The following SMAD2 variants were observed in gnomAD, a reference collection of about 807,000 sequenced individuals.
SMAD2 encodes the protein MAD homolog 2.
In SMAD2, 8 loss-of-function variants were observed where a neutral mutation model predicts 64.4. The observed-to-expected ratio is 0.12, with a 90% confidence interval of 0.07 to 0.22. The LOEUF is 0.22. SMAD2 is among the 10% of genes least tolerant of loss of function. The probability of loss-of-function intolerance (pLI) is 1.00; values close to 1 mark genes in which losing one functional copy is unlikely to be tolerated. For missense variants in SMAD2, 289 were observed against 561.2 expected, an observed-to-expected ratio of 0.51 and a Z score of 4.90; for synonymous variants, 203 against 195.8, an observed-to-expected ratio of 1.04 and a Z score of -0.31.
intron 2 of SMAD2, among the ~76,000 whole-genome samples, chr18:47,873,346 G>A (rs992597935): frequency 1.3e-5 from 2 of 151,816 alleles, no homozygotes; most frequent in South Asian, 2.1e-4. Context: ...AAAAACATAC[G>A]TCCCTACACA....
chr18:47,883,437 T>C (rs1460144431), intron 2 of SMAD2, among the ~76,000 whole-genome samples: 1 of 152,230 alleles, frequency 6.6e-6, no homozygotes, highest in Non-Finnish European at 1.5e-5. Flanking sequence ...CCATGAACAC[T>C]TGAAACGCTT....
intron 2 of SMAD2, among the ~76,000 whole-genome samples, chr18:47,887,302 G>A (rs1223419628): frequency 2.6e-5 from 4 of 152,130 alleles, no homozygotes; most frequent in African/African-American, 4.8e-5. Context: ...TTCTTTTCAC[G>A]CTACCTCTTC....
At chr18:47,911,188 T>C (rs1314647762) in intron 1 of SMAD2, among the ~76,000 whole-genome samples, 6 of 151,588 alleles carry the variant, frequency 4.0e-5, no homozygotes, top group East Asian at 3.9e-4. Flanking sequence ...CCATGTCTAC[T>C]AAAAATACAA....
chr18:47,894,080 G>A (rs898905548), intron 2 of SMAD2, among the ~76,000 whole-genome samples: 2 of 152,194 alleles, frequency 1.3e-5, no homozygotes, highest in African/African-American at 4.8e-5. Context: ...TGACTAAGGT[G>A]ACCTCCTCCA....
rs1369581711 is a variant in SMAD2, at chr18:47,841,404, A to G, written c.*423T>C. 3.9e-6 allele frequency: 1 copy of G among 256,474 alleles called. No individual in the cohort carries two copies. The highest frequency in any genetic ancestry group is 2.2e-5 in the African/African-American group (1 of 46,260). 15.9% of individuals were successfully genotyped at this position (256,474 alleles called of 1,614,324 possible). On this transcript the variant is annotated 3_prime_UTR_variant, in exon 11 of 11. Coordinates refer to ENST00000262160, the MANE Select transcript of SMAD2 (RefSeq NM_005901.6). Reference sequence around the variant, plus strand: ...TGGGAATAACAGATTAGGTACTGCAACTTTATAAAGGTTTGCCTAGATCAA... The same window carrying G: ...TGGGAATAACAGATTAGGTACTGCAGCTTTATAAAGGTTTGCCTAGATCAA...
intron 1 of SMAD2, among the ~76,000 whole-genome samples, chr18:47,915,143 A>T (rs1248530969): frequency 2.0e-5 from 3 of 152,210 alleles, no homozygotes; most frequent in Non-Finnish European, 4.4e-5. Flanking sequence ...ACTTGATCAG[A>T]CATAAGAAAT....
chr18:47,874,824 G>T (rs1316065962), intron 2 of SMAD2, among the ~76,000 whole-genome samples: 4 of 152,122 alleles, frequency 2.6e-5, no homozygotes, highest in Non-Finnish European at 5.9e-5. Flanking sequence ...ATGCATGCTT[G>T]TATGTGTATA....
intron 6 of SMAD2, among the ~76,000 whole-genome samples, chr18:47,854,882 A>G (rs750089432): frequency 1.4e-4 from 21 of 152,162 alleles, no homozygotes; most frequent in Non-Finnish European, 2.6e-4. Context: ...AAAGTCCATA[A>G]TTTACATTAG....
intron 1 of SMAD2, among the ~76,000 whole-genome samples, chr18:47,917,894 G>A (rs568876431): frequency 2.6e-5 from 4 of 152,300 alleles, no homozygotes; most frequent in African/African-American, 7.2e-5. Context: ...AGGATAGGGA[G>A]AAGAGGTAAG....
At chr18:47,919,568 T>C (rs2034482904) in intron 1 of SMAD2, among the ~76,000 whole-genome samples, 3 of 150,742 alleles carry the variant, frequency 2.0e-5, no homozygotes, top group South Asian at 4.2e-4. Flanking sequence ...CAATCCCTAA[T>C]ATGCTAGTGA....
At chr18:47,873,360 A>C (rs2032060716) in intron 2 of SMAD2, among the ~76,000 whole-genome samples, 1 of 152,236 alleles carries the variant, frequency 6.6e-6, no homozygotes, top group Non-Finnish European at 1.5e-5. Flanking sequence ...CTACACAGGA[A>C]GATACCATCA....
rs1361881834 is a variant in SMAD2 at position 47,829,665 on chromosome 18, T to C, written c.*12162A>G. On this transcript the variant is annotated 3_prime_UTR_variant, in exon 11 of 11. Transcript: ENST00000262160. Reference sequence around the variant, plus strand: ...GAGATTAAAAACGGGAAGCAGTGCATAGGCAGTATGAAGTAGACACTTTGG... The same window carrying C: ...GAGATTAAAAACGGGAAGCAGTGCACAGGCAGTATGAAGTAGACACTTTGG... 4 of 152,170 alleles carry C rather than the reference T, an allele frequency of 2.6e-5. No homozygotes were observed. In the East Asian group the frequency reaches 7.7e-4, roughly 29 times the overall value. The allele number at this position is 152,170 out of a possible 1,614,324, so 9.4% of individuals were successfully genotyped here.
At chr18:47,924,427 T>C (rs2034682601) in intron 1 of SMAD2, among the ~76,000 whole-genome samples, 1 of 151,636 alleles carries the variant, frequency 6.6e-6, no homozygotes, top group Non-Finnish European at 1.5e-5. Context: ...TATAGGAGGC[T>C]CTGCAAAAAA....
At chr18:47,880,652 A>G (rs1474409183) in intron 2 of SMAD2, among the ~76,000 whole-genome samples, 1 of 152,184 alleles carries the variant, frequency 6.6e-6, no homozygotes, top group Non-Finnish European at 1.5e-5. Context: ...TCCTCATTAT[A>G]AAGGGTCACA....
Position 47,821,246 on chromosome 18 carries a change from CATT to C in SMAD2, c.*20578_*20580del, listed in dbSNP as rs1257476745. ...TGCACCTTATTTGTAGGTCACACAT[CATT>C]GCCTTTAGCTCTTTCTCCCCTTAAG... On this transcript the variant is annotated 3_prime_UTR_variant, in exon 11 of 11. Transcript: ENST00000262160. 6.6e-6 allele frequency: 1 copy of C among 152,184 alleles called. No homozygotes were observed. The highest frequency in any genetic ancestry group is 1.5e-5 in the Non-Finnish European group (1 of 68,022). 9.4% of individuals were successfully genotyped at this position (152,184 alleles called of 1,614,324 possible).
At chr18:47,852,015 G>C (rs931719685) in intron 6 of SMAD2, among the ~76,000 whole-genome samples, 4 of 152,160 alleles carry the variant, frequency 2.6e-5, no homozygotes, top group Non-Finnish European at 5.9e-5. Context: ...ATAGTAAAGG[G>C]ATGCTTGAGG....
intron 1 of SMAD2, among the ~76,000 whole-genome samples, chr18:47,926,795 G>A (rs1220989148): frequency 1.3e-5 from 2 of 152,134 alleles, no homozygotes; most frequent in Non-Finnish European, 2.9e-5. Context: ...AAGAGCCCAA[G>A]TAACAAACCC....
intron 1 of SMAD2, among the ~76,000 whole-genome samples, chr18:47,920,938 T>G (rs2034534974): frequency 1.3e-5 from 2 of 152,234 alleles, no homozygotes; most frequent in Non-Finnish European, 2.9e-5. Flanking sequence ...GCAAATCGCT[T>G]GAGCCCAGGA....
In SMAD2 at chr18:47,911,277, G is replaced by A. The variant is rs1012956955; in HGVS notation, c.-53-14468C>T. ...GAGGCAGGAGAATCGCTTGAACCTGGGAGGCAGAGGTTGCAGTGAGCCAAA... is the reference window on the plus strand; with the variant it reads ...GAGGCAGGAGAATCGCTTGAACCTGAGAGGCAGAGGTTGCAGTGAGCCAAA... On this transcript the variant is annotated intron_variant, in intron 1 of 10. Transcript: ENST00000262160. 6.6e-5 allele frequency among the ~76,000 whole-genome samples: 10 copies of A among 152,046 alleles called. No individual in the cohort carries two copies. The East Asian group carries it at 1.2e-3, about 18-fold the overall frequency.
Sources: gnomAD v4.1 joint callset for allele counts (sites outside exome capture counted in the v4.1 genomes callset) on GRCh38, gnomAD v4.1.1 for gene constraint, MANE v1.5 for transcripts, NCBI Gene and HGNC (gene_info 2026-07-23, HGNC 2026-07-21) for gene names.